The following FGD2 variants were observed in gnomAD, a reference collection of about 807,000 sequenced individuals.
FGD2 encodes FYVE, RhoGEF and PH domain-containing protein 2.
FGD2 carries 52 observed loss-of-function variants against 75.9 expected under a neutral mutation model. That is an observed-to-expected ratio of 0.69 (90% CI 0.55 to 0.86). FGD2 has a LOEUF of 0.86. FGD2 is among the 40% of genes least tolerant of loss of function. The pLI is 0.00. For missense variants in FGD2, 790 were observed against 872.0 expected (o/e 0.91, Z 1.18); for synonymous variants, 347 against 348.6 (o/e 1.00, Z 0.05).
rs1302935876 is a variant in FGD2 at position 37,021,546 on chromosome 6, G to T, written c.1268G>T (p.Arg423Leu). The stretch of plus-strand genomic sequence containing the variant: ...GCAGCCATTGACCAAATCGAGAAGC[G>T]GAATGAAACCTTCAAGGCTGCGGCC... Reference protein sequence around the residue: ...FQAAIDQIEKRNETFKAAAQG... With the variant: ...FQAAIDQIEKLNETFKAAAQG... The change falls in exon 12 of 16, where the codon CGG becomes CTG. Residue 423 changes from arginine (R) to leucine (L), a missense_variant. Physicochemically the swap from Arg to Leu is moderately radical, Grantham distance 102. Transcript: ENST00000274963. 2.5e-6 allele frequency: 4 copies of T among 1,614,016 alleles called. No homozygotes were observed. The highest frequency in any genetic ancestry group is 3.4e-6 in the Non-Finnish European group (4 of 1,179,932).
At chr6:37,021,442 A>T in intron 11 of FGD2, 70 bp from the exon 12 acceptor site, 1 of 1,383,888 alleles carries the variant, frequency 7.2e-7, no homozygotes, top group Non-Finnish European at 1.0e-6. Flanking sequence ...CATGCACGGA[A>T]GGATGGACAG....
At position 37,027,534 on chromosome 6, in the gene FGD2, C is replaced by T. The variant is rs367648819; in HGVS notation, c.1711C>T (p.Arg571Trp). Reference protein sequence around the residue: ...SGPRGWCVIPRDDPLVLYVYA... With the variant: ...SGPRGWCVIPWDDPLVLYVYA... ...CCCCCGGGGCTGGTGTGTGATCCCT[C>T]GGGATGACCCCCTCGTGCTCTATGT... The change falls in exon 15 of 16, where the codon CGG (arginine) becomes TGG (tryptophan). Residue 571 changes from arginine to tryptophan, a missense_variant. Transcript: ENST00000274963. 4.4e-5 allele frequency: 71 copies of T among 1,614,016 alleles called. No individual in the cohort carries two copies. The highest frequency in any genetic ancestry group is 4.2e-4 in the South Asian group (38 of 91,090).
At chr6:37,021,347 T>C (rs1196286084) in intron 11 of FGD2, among the ~76,000 whole-genome samples, 165 bp from the exon 12 acceptor site, 1 of 152,174 alleles carries the variant, frequency 6.6e-6, no homozygotes, top group Non-Finnish European at 1.5e-5. Flanking sequence ...AACCTGGGGC[T>C]GGTAGTTTCT....
chr6:37,020,340 CA>C (rs2150779827), intron 9 of FGD2, among the ~76,000 whole-genome samples, 200 bp from the exon 10 acceptor site: 1 of 152,242 alleles, frequency 6.6e-6, no homozygotes, highest in East Asian at 1.9e-4. Flanking sequence ...CCATAGGTTC[CA>C]TTTGCTTGGA....
chr6:37,024,335 C>T (rs1315885719), intron 13 of FGD2: 1 of 152,008 alleles, frequency 6.6e-6, no homozygotes, highest in Non-Finnish European at 1.5e-5. Flanking sequence ...AGCAAAACTC[C>T]ATCTCAAAAA....
chr6:37,028,046 G>A lies in FGD2; in HGVS notation c.1851G>A (p.Gln617=). Residue 617 remains glutamine, a synonymous_variant, in exon 16 of 16, where the codon CAG becomes CAA. Transcript: ENST00000274963. The part of the protein sequence containing the change: ...PRVFQLQQSG[Q]LYTFKAETEE... ...TCTTCCAGCTACAGCAGTCAGGCCA[G>A]CTCTACACCTTCAAGGCCGAGACGG... is the stretch of plus-strand genomic sequence containing the variant. 6.2e-7 allele frequency: 1 copy of A among 1,614,046 alleles called. No homozygotes were observed. The highest frequency in any genetic ancestry group is 1.3e-5 in the African/African-American group (1 of 75,076).
intron 9 of FGD2, 24 bp downstream of exon 9, chr6:37,015,884 T>G: frequency 1.9e-6 from 3 of 1,553,134 alleles, no homozygotes; most frequent in Non-Finnish European, 2.6e-6. Context: ...TAAACACCAC[T>G]GGGCTCCACC....
intron 11 of FGD2, among the ~76,000 whole-genome samples, chr6:37,021,219 G>T (rs538443049): frequency 6.6e-6 from 1 of 152,084 alleles, no homozygotes; most frequent in African/African-American, 2.4e-5. Context: ...TTCCTAAGGA[G>T]CTGCTCTGTG....
chr6:37,015,783 C>A lies in FGD2; in HGVS notation c.1045C>A (p.Leu349Ile), dbSNP rs1293427762. Residue 349 changes from leucine to isoleucine, a missense_variant, in exon 9 of 16, where the codon CTC becomes ATC. Coordinates refer to ENST00000274963, the MANE Select transcript of FGD2 (RefSeq NM_173558.4). ...TCTCCTGCAGTTCAACAACATGCTG[C>A]TCTACTGTGTGCCCAGGGTGATCCA... ...RYLFLFNNML[L>I]YCVPRVIQVG... 1.3e-6 allele frequency: 2 copies of A among 1,592,742 alleles called. No individual in the cohort carries two copies. The highest frequency in any genetic ancestry group is 2.3e-5 in the East Asian group (1 of 44,172).
chr6:37,016,760 C>G (rs1160864425), intron 9 of FGD2, among the ~76,000 whole-genome samples: 1 of 152,178 alleles, frequency 6.6e-6, no homozygotes, highest in Non-Finnish European at 1.5e-5. Context: ...TGGTCTCAAA[C>G]TCCTGACCTC....
intron 9 of FGD2, among the ~76,000 whole-genome samples, chr6:37,020,148 A>T (rs1018980014): frequency 6.6e-6 from 1 of 152,146 alleles, no homozygotes; most frequent in African/African-American, 2.4e-5. Context: ...CACTGCACCC[A>T]GCCAAGGTTA....
At chr6:37,019,648 G>C (rs773589680) in intron 9 of FGD2, among the ~76,000 whole-genome samples, 6 of 152,148 alleles carry the variant, frequency 3.9e-5, no homozygotes, top group Non-Finnish European at 7.4e-5. Flanking sequence ...TCTGGGGGTA[G>C]GATGGAAATA....
At position 37,021,556 on chromosome 6, in the gene FGD2, C is replaced by G; in HGVS notation, c.1278C>G (p.Thr426=). 1 of 1,614,044 alleles carries G rather than the reference C, an allele frequency of 6.2e-7. No individual in the cohort carries two copies. Among genetic ancestry groups the G allele is most frequent in the Non-Finnish European group, 8.5e-7 (1 of 1,179,930 alleles). ...ACCAAATCGAGAAGCGGAATGAAAC[C>G]TTCAAGGCTGCGGCCCAGGGGCCTG... The part of the protein sequence containing the change: ...AIDQIEKRNE[T]FKAAAQGPEG... Residue 426 remains threonine (T), a synonymous_variant, in exon 12 of 16, where the codon ACC becomes ACG. Transcript: ENST00000274963.
chr6:37,010,471 C>T (rs369847562), intron 2 of FGD2, among the ~76,000 whole-genome samples: 10 of 152,334 alleles, frequency 6.6e-5, no homozygotes, highest in African/African-American at 1.9e-4. Context: ...ATTTGGTTGG[C>T]GGACGCAGTT....
intron 9 of FGD2, among the ~76,000 whole-genome samples, chr6:37,020,322 TCC>T (rs1372362740): frequency 1.2e-4 from 18 of 152,162 alleles, no homozygotes; most frequent in African/African-American, 4.3e-4. Context: ...CTGCTAAAAT[TCC>T]AGGAGCCATA....
At chr6:37,011,982 G>T in intron 4 of FGD2, 128 bp downstream of exon 4, 1 of 1,036,736 alleles carries the variant, frequency 9.6e-7, no homozygotes. Context: ...GCCTCCCTGG[G>T]GCTCGGTCTG....
rs1008799918 is a variant in FGD2 at position 37,008,942 on chromosome 6, G to A, written c.177G>A (p.Glu59=). Residue 59 remains glutamate (E), a synonymous_variant, in exon 2 of 16, where the codon GAG becomes GAA. Transcript: ENST00000274963. Reference sequence around the variant, plus strand: ...CACGGGAGAAGACGAATGTCGGGGAGGCCGTGGGGTCTGAGCCCAGGACAG... The same window carrying A: ...CACGGGAGAAGACGAATGTCGGGGAAGCCGTGGGGTCTGAGCCCAGGACAG... The part of the protein sequence containing the change: ...PGPREKTNVG[E]AVGSEPRTVS... 11 of 1,614,262 alleles carry A rather than the reference G, an allele frequency of 6.8e-6. No individual in the cohort carries two copies. The highest frequency in any genetic ancestry group is 8.5e-6 in the Non-Finnish European group (10 of 1,180,046).
intron 1 of FGD2, 37 bp from the exon 2 acceptor site, chr6:37,008,797 C>T (rs747432621): frequency 3.3e-6 from 5 of 1,511,198 alleles, no homozygotes; most frequent in Non-Finnish European, 4.4e-6. Context: ...CCCTGTTCTC[C>T]AGGGAGGAAG....
chr6:37,019,386 G>C lies in FGD2; in HGVS notation c.1123-1155G>C, dbSNP rs573782671. ...CCTTCTAAGGCAAAGACTGGGGAGT[G>C]AGGCTGCAGACTAGGCCTAACCTGA... is the stretch of plus-strand genomic sequence containing the variant. On this transcript the variant is annotated intron_variant, in intron 9 of 15. Coordinates refer to ENST00000274963, the MANE Select transcript of FGD2 (RefSeq NM_173558.4). Among the ~76,000 whole-genome samples, 4 of 152,356 alleles carry C rather than the reference G, an allele frequency of 2.6e-5. No homozygotes were observed. The South Asian group carries it at 6.2e-4, about 24-fold the overall frequency.
Sources: gnomAD v4.1 joint callset for allele counts (sites outside exome capture counted in the v4.1 genomes callset) on GRCh38, gnomAD v4.1.1 for gene constraint, MANE v1.5 for transcripts, NCBI Gene and HGNC (gene_info 2026-07-23, HGNC 2026-07-21) for gene names.